Variants in LHX4 observed in about 807,000 individuals in gnomAD.
LHX4 encodes the protein LIM homeobox 4.
LHX4 carries 16 observed loss-of-function variants against 39.2 expected under a neutral mutation model. The observed-to-expected ratio is 0.41, with a 90% CI of 0.28 to 0.62. The LOEUF (loss-of-function observed/expected upper bound fraction) is 0.62. Ranked by LOEUF, LHX4 falls within the 20% of genes least tolerant of loss-of-function variation. The probability of loss-of-function intolerance (pLI) is 0.33; values close to 1 mark genes in which losing one functional copy is unlikely to be tolerated. For synonymous variants in LHX4, 206 were observed against 198.1 expected (o/e 1.04, Z -0.33); for missense variants, 439 against 511.9 (o/e 0.86, Z 1.37).
rs1187971864 is a variant in LHX4 at position 180,234,949 on chromosome 1, ATTCTT to A, written c.76+4346_76+4350del. Reference sequence around the variant, plus strand: ...GGGTGGCCCGGGGAACAGACGATGAATTCTTTAAATGAGCGTTTGCTGCGCACCCA... The same window carrying A: ...GGGTGGCCCGGGGAACAGACGATGAATAAATGAGCGTTTGCTGCGCACCCA... On this transcript the variant is annotated intron_variant, in intron 1 of 5. Transcript: ENST00000263726. This position sits in a 1 kb window ranked among gnomAD's most constrained non-coding sequence, Gnocchi z 4.8. Among the ~76,000 whole-genome samples, 1 of 152,158 alleles carries A rather than the reference ATTCTT, an allele frequency of 6.6e-6. No individual in the cohort carries two copies. Among genetic ancestry groups the A allele is most frequent in the Non-Finnish European group, 1.5e-5 (1 of 68,016 alleles).
At position 180,230,373 on chromosome 1, in the gene LHX4, C is replaced by T. The variant is rs1456340452; in HGVS notation, c.-157C>T. ...TGGCGGGGGGAGGGGGCCGGCCAGC[C>T]TGTGGAGTCCTCCCTGAGAAGCGGA... On this transcript the variant is annotated 5_prime_UTR_variant, in exon 1 of 6. Coordinates refer to ENST00000263726, the MANE Select transcript of LHX4 (RefSeq NM_033343.4). This position sits in a 1 kb window ranked among gnomAD's most constrained non-coding sequence, Gnocchi z 5.8. 4 of 679,186 alleles carry T rather than the reference C, an allele frequency of 5.9e-6. No individual in the cohort carries two copies. In the African/African-American group the frequency reaches 7.1e-5, roughly 12 times the overall value. The allele number at this position is 679,186 out of a possible 1,614,324, so 42.1% of individuals were successfully genotyped here.
chr1:180,244,364 A>G (rs1647305850), intron 1 of LHX4, among the ~76,000 whole-genome samples: 1 of 152,094 alleles, frequency 6.6e-6, no homozygotes, highest in African/African-American at 2.4e-5. Context: ...GAGGACTTCT[A>G]ATTTGGGCAG....
At chr1:180,271,556 G>A in intron 4 of LHX4, 22 bp downstream of exon 4, 1 of 1,613,528 alleles carries the variant, frequency 6.2e-7, no homozygotes, top group South Asian at 1.1e-5. Flanking sequence ...GCACTCCTGT[G>A]CCCTCCGGGG....
At chr1:180,228,613 TTTC>T (rs1169282261), upstream of LHX4, among the ~76,000 whole-genome samples, 1 of 152,168 alleles carries the variant, frequency 6.6e-6, no homozygotes, top group Non-Finnish European at 1.5e-5. Flanking sequence ...CTTTTGCTTT[TTTC>T]TTCTTGTGTA....
upstream of LHX4, among the ~76,000 whole-genome samples, chr1:180,228,641 C>A (rs1664080975): frequency 6.6e-6 from 1 of 152,168 alleles, no homozygotes; most frequent in Non-Finnish European, 1.5e-5. Context: ...GTCTCGCGCG[C>A]GGAGTCACCT....
At chr1:180,228,910 A>T (rs1391429985), upstream of LHX4, among the ~76,000 whole-genome samples, 1 of 152,116 alleles carries the variant, frequency 6.6e-6, no homozygotes, top group African/African-American at 2.4e-5. Flanking sequence ...GGCTGGAAGG[A>T]CACGTATGTC....
chr1:180,271,799 C>A (rs781317514), intron 4 of LHX4, 36 bp from the exon 5 acceptor site: 1 of 1,611,102 alleles, frequency 6.2e-7, no homozygotes, highest in South Asian at 1.1e-5. Context: ...TTGTGGTGGA[C>A]GCCCCCTGAG....
At chr1:180,239,988 C>T (rs1368579606) in intron 1 of LHX4, among the ~76,000 whole-genome samples, 3 of 152,100 alleles carry the variant, frequency 2.0e-5, no homozygotes, top group Non-Finnish European at 2.9e-5. Flanking sequence ...CTCCTTTTCT[C>T]GAAAGGAGCA....
At chr1:180,272,871 G>T (rs1648763968) in intron 5 of LHX4, 1 of 152,242 alleles carries the variant, frequency 6.6e-6, no homozygotes, top group Non-Finnish European at 1.5e-5. Context: ...GGATGTGCTT[G>T]GGGAAAGCCT....
chr1:180,257,395 G>A (rs761799676), intron 2 of LHX4, among the ~76,000 whole-genome samples: 2 of 152,202 alleles, frequency 1.3e-5, no homozygotes, highest in Non-Finnish European at 2.9e-5. Context: ...GGGCTGGGAG[G>A]TATATGTGTG....
In LHX4 at chr1:180,231,712, G is replaced by A. The variant is rs377167645; in HGVS notation, c.76+1107G>A. Among the ~76,000 whole-genome samples the A allele has an allele frequency of 9.2e-5, 14 of 152,162 alleles. No homozygotes were observed. In the East Asian group the frequency reaches 2.7e-3, roughly 30 times the overall value. On this transcript the variant is annotated intron_variant, in intron 1 of 5. Transcript: ENST00000263726. Reference sequence around the variant, plus strand: ...TTCCGCCTGCGACTTCTTTAGTGGTGCGGTAGCTACATCTTCGGGGTTTAC... The same window carrying A: ...TTCCGCCTGCGACTTCTTTAGTGGTACGGTAGCTACATCTTCGGGGTTTAC...
intron 1 of LHX4, among the ~76,000 whole-genome samples, chr1:180,246,199 A>T (rs1441547201): frequency 6.6e-6 from 1 of 152,170 alleles, no homozygotes; most frequent in African/African-American, 2.4e-5. Flanking sequence ...AATTGGGCCC[A>T]AAGTTGGTAC....
At chr1:180,237,598 T>TGTAG (rs1258964399) in intron 1 of LHX4, among the ~76,000 whole-genome samples, 1 of 152,042 alleles carries the variant, frequency 6.6e-6, no homozygotes, top group Non-Finnish European at 1.5e-5. Context: ...GGGAGGTGAG[T>TGTAG]CCTACCTCCT....
chr1:180,274,228 T>C lies in LHX4; in HGVS notation c.822T>C (p.Tyr274=), dbSNP rs140444641. The part of the protein sequence containing the change: ...LSELGHTNRI[Y]GNVGDVTGGQ... ...AACTTGGCCACACCAATAGGATTTA[T>C]GGCAACGTGGGGGACGTTACAGGCG... The change falls in exon 6 of 6, where the codon TAT becomes TAC. Residue 274 remains tyrosine (Y), a synonymous_variant. Coordinates refer to ENST00000263726, the MANE Select transcript of LHX4 (RefSeq NM_033343.4). 31 of 1,614,240 alleles carry C rather than the reference T, an allele frequency of 1.9e-5. No homozygotes were observed. The African/African-American group carries it at 3.7e-4, about 19-fold the overall frequency.
In LHX4 at chr1:180,238,274, T is replaced by C. The variant is rs561527088; in HGVS notation, c.76+7669T>C. Among the ~76,000 whole-genome samples the C allele has an allele frequency of 2.4e-4, 36 of 152,216 alleles. No individual in the cohort carries two copies. In the South Asian group the frequency reaches 5.8e-3, roughly 25 times the overall value. The stretch of plus-strand genomic sequence containing the variant: ...TTCAAAGGCACCCCAAGCCACCAAA[T>C]AAAGCAAACAGTAAAAGTGGGAAGG... On this transcript the variant is annotated intron_variant, in intron 1 of 5. Transcript: ENST00000263726.
chr1:180,257,958 T>C (rs775049332), intron 2 of LHX4, among the ~76,000 whole-genome samples: 1 of 152,238 alleles, frequency 6.6e-6, no homozygotes, highest in Non-Finnish European at 1.5e-5. Context: ...TTCAGTGTCC[T>C]CATGTCCAAA....
rs1648692526 is a variant in LHX4 at position 180,271,943 on chromosome 1, AAGC to A, written c.718_720del (p.Gln240del). 1 of 1,613,382 alleles carries A rather than the reference AAGC, an allele frequency of 6.2e-7. No individual in the cohort carries two copies. Among genetic ancestry groups the A allele is most frequent in the Admixed American group, 1.7e-5 (1 of 59,930 alleles). ...CGTCAAGAGGAGCCGGGGCAGCAGC[AAGC>A]AGGAGAAGGAGAGCTCTGCAGAGGA... On this transcript the variant is annotated inframe_deletion, in exon 5 of 6. Coordinates refer to ENST00000263726, the MANE Select transcript of LHX4 (RefSeq NM_033343.4).
At chr1:180,267,833 T>G (rs1571285328) in intron 3 of LHX4, among the ~76,000 whole-genome samples, 1 of 152,172 alleles carries the variant, frequency 6.6e-6, no homozygotes, top group African/African-American at 2.4e-5. Context: ...GAACACAGTA[T>G]AAAATAAGGG....
chr1:180,276,939 G>A lies in LHX4; in HGVS notation c.*2360G>A, dbSNP rs908892767. On this transcript the variant is annotated 3_prime_UTR_variant, in exon 6 of 6. Coordinates refer to ENST00000263726, the MANE Select transcript of LHX4 (RefSeq NM_033343.4). The stretch of plus-strand genomic sequence containing the variant: ...ACTAATTCCCAGTTCAATAGTGGAA[G>A]GAGAGGCCTTCCTCATTTATACTAA... 2 of 152,174 alleles carry A rather than the reference G, an allele frequency of 1.3e-5. No homozygotes were observed. The highest frequency in any genetic ancestry group is 6.5e-5 in the Admixed American group (1 of 15,284). 9.4% of individuals were successfully genotyped at this position (152,174 alleles called of 1,614,324 possible). A position where few individuals can be genotyped will look rare whatever the true frequency, so the allele number is the denominator to read the frequency against.
Sources: allele counts gnomAD v4.1 joint callset (sites outside exome capture counted in the v4.1 genomes callset), GRCh38; gene constraint gnomAD v4.1.1; non-coding constraint Gnocchi (gnomAD v3.1); transcripts MANE v1.5; gene names NCBI Gene and HGNC (gene_info 2026-07-23, HGNC 2026-07-21).